DGKB: variants seen among roughly 807,000 people sequenced by gnomAD.
DGKB encodes diacylglycerol kinase beta, also known as 90 kDa diacylglycerol kinase.
In DGKB, 67 loss-of-function variants were observed where a neutral mutation model predicts 114.3. The ratio of observed to expected loss-of-function variants is 0.59; its 90% CI spans 0.48 to 0.72. The LOEUF (loss-of-function observed/expected upper bound fraction) is 0.72, where lower values mean the gene tolerates loss of function less well. Among genes scored for constraint, DGKB ranks in the 30% least tolerant of loss-of-function variants. The probability of loss-of-function intolerance (pLI) is 0.00; values close to 1 mark genes in which losing one functional copy is unlikely to be tolerated. For missense variants in DGKB, 907 were observed against 975.2 expected, an observed-to-expected ratio of 0.93 and a Z score of 0.93; for synonymous variants, 398 against 323.1, an observed-to-expected ratio of 1.23 and a Z score of -2.49.
At chr7:14,181,461 G>A (rs964140453) in intron 23 of DGKB, among the ~76,000 whole-genome samples, 3 of 152,196 alleles carry the variant, frequency 2.0e-5, no homozygotes, top group Admixed American at 1.3e-4. Flanking sequence ...TGTGTACTAT[G>A]AGCATTGCCA....
At chr7:14,525,529 T>A (rs1044075756) in intron 20 of DGKB, among the ~76,000 whole-genome samples, 2 of 152,170 alleles carry the variant, frequency 1.3e-5, no homozygotes, top group African/African-American at 2.4e-5. Flanking sequence ...CAACAAGGGA[T>A]TCTCTCTTGT....
At chr7:14,648,009 C>T (rs13234741) in intron 13 of DGKB, among the ~76,000 whole-genome samples, 79,270 of 152,048 alleles carry the variant, frequency 0.52, 22,731 homozygotes, top group Admixed American at 0.67. Flanking sequence ...CACGGAGTCT[C>T]GCTGATTGCT....
At chr7:14,208,370 A>G (rs1787175710) in intron 23 of DGKB, among the ~76,000 whole-genome samples, 1 of 152,044 alleles carries the variant, frequency 6.6e-6, no homozygotes, top group Admixed American at 6.6e-5. Context: ...TAAAAACTTG[A>G]AGAAAACAAA....
chr7:14,744,366 C>G (rs114133537), intron 4 of DGKB, among the ~76,000 whole-genome samples: 1 of 152,176 alleles, frequency 6.6e-6, no homozygotes, highest in Admixed American at 6.5e-5. Flanking sequence ...TTTAAGGAAT[C>G]AAGCTTGAGT....
Position 14,581,341 on chromosome 7 carries a change from CT to C in DGKB, c.1520-391del, listed in dbSNP as rs1227942916. Among the ~76,000 whole-genome samples, 7 of 152,192 alleles carry C rather than the reference CT, an allele frequency of 4.6e-5. No individual in the cohort carries two copies. The East Asian group carries it at 1.4e-3, about 29-fold the overall frequency. On this transcript the variant is annotated intron_variant, in intron 18 of 25. Transcript: ENST00000402815. ...GATGGGTAGGTTCCTACATAAAGTC[CT>C]TTTGCAACATCAATTCTAGGTACAT...
At chr7:14,310,053 T>C (rs1017400559) in intron 23 of DGKB, among the ~76,000 whole-genome samples, 35 of 152,032 alleles carry the variant, frequency 2.3e-4, no homozygotes, top group Non-Finnish European at 3.5e-4. Context: ...TTGAGTGAGG[T>C]AGAAATTCCA....
intron 1 of DGKB, among the ~76,000 whole-genome samples, chr7:14,877,829 A>C (rs1853545011): frequency 6.6e-6 from 1 of 152,208 alleles, no homozygotes; most frequent in South Asian, 2.1e-4. Context: ...GAAGCTTTTG[A>C]AAATATACTG....
chr7:14,493,925 T>TACACACAC (rs372780599), intron 20 of DGKB, among the ~76,000 whole-genome samples: 1,865 of 137,672 alleles, frequency 0.014, 50 homozygotes, highest in Admixed American at 0.065. Context: ...CATGGTATCA[T>TACACACAC]ACACACACAC....
At chr7:14,866,889 T>C (rs1275486944) in intron 1 of DGKB, among the ~76,000 whole-genome samples, 2 of 152,136 alleles carry the variant, frequency 1.3e-5, no homozygotes, top group Non-Finnish European at 2.9e-5. Flanking sequence ...CTTAATAGCG[T>C]TTGATGTTGT....
intron 9 of DGKB, among the ~76,000 whole-genome samples, chr7:14,688,081 T>C (rs1822034575): frequency 1.3e-5 from 2 of 152,322 alleles, no homozygotes; most frequent in South Asian, 2.1e-4. Flanking sequence ...TTCTCAGCAG[T>C]GCAAATTATA....
rs145070771 is a variant in DGKB at position 14,586,676 on chromosome 7, T to C, written c.1434-3539A>G. ...TCCTGTTAGGGGCTAATGAGGCTGA[T>C]GACTTTAAGTTGAAGCCAATGCTCA... is the stretch of plus-strand genomic sequence containing the variant. On this transcript the variant is annotated intron_variant, in intron 17 of 25. Coordinates refer to ENST00000402815, the MANE Select transcript of DGKB (RefSeq NM_001350709.2). Among the ~76,000 whole-genome samples, 789 of 152,232 alleles carry C rather than the reference T, an allele frequency of 5.2e-3. 6 individuals are homozygous for C. The highest frequency in any genetic ancestry group is 0.018 in the African/African-American group (737 of 41,562).
chr7:14,706,388 T>G (rs1826235675), intron 6 of DGKB, among the ~76,000 whole-genome samples: 8 of 142,594 alleles, frequency 5.6e-5, no homozygotes, highest in South Asian at 2.3e-4. Context: ...CACCCCACTG[T>G]CAACATTAGA....
intron 1 of DGKB, among the ~76,000 whole-genome samples, chr7:14,854,485 A>T (rs1451852070): frequency 6.6e-6 from 1 of 152,140 alleles, no homozygotes; most frequent in East Asian, 1.9e-4. Context: ...TGGTTTTGGG[A>T]TGAAACTGTT....
chr7:14,404,125 T>G (rs1823566835), intron 21 of DGKB, among the ~76,000 whole-genome samples: 1 of 151,150 alleles, frequency 6.6e-6, no homozygotes, highest in Non-Finnish European at 1.5e-5. Flanking sequence ...GCTTACTTAT[T>G]TAGTGAGGTT....
At chr7:14,546,499 C>T (rs758451394) in intron 20 of DGKB, among the ~76,000 whole-genome samples, 6 of 152,204 alleles carry the variant, frequency 3.9e-5, no homozygotes, top group Non-Finnish European at 8.8e-5. Context: ...AGGTCTTAGC[C>T]TTCAGCAGGG....
At chr7:14,909,062 T>C (rs1783852900) in intron 1 of DGKB, among the ~76,000 whole-genome samples, 1 of 152,182 alleles carries the variant, frequency 6.6e-6, no homozygotes, top group Non-Finnish European at 1.5e-5. Context: ...GTGGGTAAAA[T>C]AGAAAGGCTC....
At chr7:14,204,395 G>C (rs1365269582) in intron 23 of DGKB, among the ~76,000 whole-genome samples, 2 of 151,972 alleles carry the variant, frequency 1.3e-5, no homozygotes, top group Non-Finnish European at 2.9e-5. Flanking sequence ...AAGTAGCTTG[G>C]TGAGCTGACA....
At chr7:14,846,261 CTCTT>C (rs1401270107) in intron 1 of DGKB, among the ~76,000 whole-genome samples, 1 of 152,170 alleles carries the variant, frequency 6.6e-6, no homozygotes, top group Non-Finnish European at 1.5e-5. Flanking sequence ...AATAAATCCT[CTCTT>C]TCTCACCTTT....
chr7:14,649,437 G>A (rs1813920179), intron 13 of DGKB, among the ~76,000 whole-genome samples: 1 of 150,566 alleles, frequency 6.6e-6, no homozygotes, highest in African/African-American at 2.4e-5. Flanking sequence ...TTACAGACAA[G>A]CAAATGCTGA....
Sources: allele counts gnomAD v4.1 joint callset (sites outside exome capture counted in the v4.1 genomes callset), GRCh38; gene constraint gnomAD v4.1.1; transcripts MANE v1.5; gene names NCBI Gene and HGNC (gene_info 2026-07-23, HGNC 2026-07-21).